The following DMTN variants were observed in gnomAD, a reference collection of about 807,000 sequenced individuals.
DMTN encodes the protein dematin.
Under a neutral mutation model 59.4 loss-of-function variants are expected in DMTN, and 27 were observed. That is an observed-to-expected ratio of 0.45 (90% CI 0.33 to 0.63). The LOEUF (loss-of-function observed/expected upper bound fraction) is 0.63, where lower values mean the gene tolerates loss of function less well. Among genes scored for constraint, DMTN ranks in the 20% least tolerant of loss-of-function variants. DMTN has a pLI of 0.02. For synonymous variants in DMTN, 221 were observed against 203.7 expected, an observed-to-expected ratio of 1.08 and a Z score of -0.72; for missense variants, 451 against 528.9, an observed-to-expected ratio of 0.85 and a Z score of 1.45.
intron 1 of DMTN, among the ~76,000 whole-genome samples, chr8:22,064,669 A>G (rs1173024939): frequency 6.6e-6 from 1 of 152,232 alleles, no homozygotes; most frequent in Non-Finnish European, 1.5e-5. Context: ...TGTGTTAGCC[A>G]GGATGGTCTC....
At chr8:22,049,361 G>GCGGCC (rs1349899323), upstream of DMTN, 1 of 150,930 alleles carries the variant, frequency 6.6e-6, no homozygotes, top group Non-Finnish European at 1.5e-5. Flanking sequence ...ATTAGAGGCA[G>GCGGCC]CGGCCCGGCC....
upstream of DMTN, among the ~76,000 whole-genome samples, chr8:22,049,494 G>C (rs979350979): frequency 6.6e-6 from 1 of 151,902 alleles, no homozygotes; most frequent in Non-Finnish European, 1.5e-5. Context: ...AGTGGAACTC[G>C]GGGGCCATAA....
At chr8:22,077,513 T>C (rs1469342002) in intron 10 of DMTN, among the ~76,000 whole-genome samples, 3 of 152,118 alleles carry the variant, frequency 2.0e-5, no homozygotes, top group Non-Finnish European at 2.9e-5. Flanking sequence ...CAGAGGTTTA[T>C]TAGAGAATGT....
At position 22,080,637 on chromosome 8, in the gene DMTN, C is replaced by G. The variant is rs771595167; in HGVS notation, c.957+12C>G. The G allele has an allele frequency of 1.4e-5, 23 of 1,603,318 alleles. No individual in the cohort carries two copies. Among genetic ancestry groups the G allele is most frequent in the Non-Finnish European group, 2.0e-5 (23 of 1,174,818 alleles). On this transcript the variant is annotated intron_variant, in intron 13 of 15. Coordinates refer to ENST00000358242, the MANE Select transcript of DMTN (RefSeq NM_001387751.1). ...CCGCAGGCCTGCAGGTGAGTGCCTC[C>G]TGGAGGGGAACAGGCAGAGCAGCAG...
At chr8:22,056,009 G>A (rs902637934), upstream of DMTN, among the ~76,000 whole-genome samples, 9 of 152,180 alleles carry the variant, frequency 5.9e-5, no homozygotes, top group African/African-American at 2.2e-4. Flanking sequence ...GGCGAGGGTC[G>A]AGGGCAAGGC....
rs967386857 is a variant in DMTN at position 22,057,090 on chromosome 8, G to A, written c.-218G>A. 43 of 152,338 alleles carry A rather than the reference G, an allele frequency of 2.8e-4. No homozygotes were observed. Among genetic ancestry groups the A allele is most frequent in the African/African-American group, 9.9e-4 (41 of 41,456 alleles). The allele number at this position is 152,338 out of a possible 1,614,324, so 9.4% of individuals were successfully genotyped here. A position where few individuals can be genotyped will look rare whatever the true frequency, so the allele number is the denominator to read the frequency against. On this transcript the variant is annotated 5_prime_UTR_variant, in exon 1 of 16. Coordinates refer to ENST00000358242, the MANE Select transcript of DMTN (RefSeq NM_001387751.1). ...CCCGTGGATCTGGCCTACGCCTCTC[G>A]GGCCTCTGTGGCCTCAGAGCGTCTG...
rs143269534 is a variant in DMTN, at chr8:22,073,630, CAAAAAAAAA to C, written c.730-86_730-78del. 4.6e-3 allele frequency: 2,801 copies of C among 603,026 alleles called. 2 individuals carry two copies. The highest frequency in any genetic ancestry group is 7.8e-3 in the South Asian group (404 of 51,664). 37.4% of individuals were successfully genotyped at this position (603,026 alleles called of 1,614,324 possible). A position where few individuals can be genotyped will look rare whatever the true frequency, so the allele number is the denominator to read the frequency against. On this transcript the variant is annotated intron_variant, in intron 9 of 15. Transcript: ENST00000358242. ...TGGGTGACAGAGTGAGACCCTGTCT[CAAAAAAAAA>C]AAAAAAAAAAAAAGAAAGAAAAAAA...
intron 6 of DMTN, 111 bp from the exon 7 acceptor site, chr8:22,069,770 A>C (rs772734374): frequency 1.1e-5 from 14 of 1,298,008 alleles, no homozygotes; most frequent in Non-Finnish European, 1.6e-5. Context: ...TTGGCTCTTG[A>C]CAGGGGCCAG....
upstream of DMTN, chr8:22,049,360 A>T (rs1801090187): frequency 6.9e-6 from 1 of 144,332 alleles, no homozygotes; most frequent in Non-Finnish European, 1.5e-5. Flanking sequence ...AATTAGAGGC[A>T]GCGGCCCGGC....
chr8:22,080,218 G>T lies in DMTN; in HGVS notation c.874G>T (p.Ala292Ser). Reference protein sequence around the residue: ...QGTSKSSSLPAYGRTTLSRLQ... With the variant: ...QGTSKSSSLPSYGRTTLSRLQ... ...AACGTCTAAATCTTCCTCTCTCCCC[G>T]CCTATGGCAGGACCACCCTGAGCCG... The change falls in exon 11 of 16, where the codon GCC becomes TCC. Residue 292 changes from alanine to serine, a missense_variant. Ala to Ser is a moderately conservative substitution (Grantham distance 99, BLOSUM62 1). Coordinates refer to ENST00000358242, the MANE Select transcript of DMTN (RefSeq NM_001387751.1). 6.2e-7 allele frequency: 1 copy of T among 1,614,194 alleles called. No homozygotes were observed.
chr8:22,055,303 G>C (rs1365606282), upstream of DMTN, among the ~76,000 whole-genome samples: 1 of 152,136 alleles, frequency 6.6e-6, no homozygotes, highest in Admixed American at 6.5e-5. Context: ...GGTGCGGCGG[G>C]GATCAGGAAT....
intron 1 of DMTN, among the ~76,000 whole-genome samples, chr8:22,063,595 A>G (rs924360019): frequency 2.6e-5 from 4 of 151,890 alleles, no homozygotes; most frequent in African/African-American, 9.7e-5. Context: ...GACCTCTCCA[A>G]TCCAGCCATA....
chr8:22,051,126 GC>G (rs1190166280), upstream of DMTN, among the ~76,000 whole-genome samples: 1 of 152,144 alleles, frequency 6.6e-6, no homozygotes, highest in East Asian at 1.9e-4. Flanking sequence ...GCCACAGGGG[GC>G]TAATTGCTAA....
rs1488254406 is a variant in DMTN, at chr8:22,079,290, ATATATATATATT to A, written c.836-889_836-878del. Among the ~76,000 whole-genome samples the A allele has an allele frequency of 3.3e-4, 23 of 70,010 alleles. 2 individuals are homozygous for A. Among genetic ancestry groups the A allele is most frequent in the Admixed American group, 1.5e-3 (7 of 4,700 alleles). The allele number at this position is 70,010 out of a possible 152,430, so 45.9% of individuals were successfully genotyped here. A position where few individuals can be genotyped will look rare whatever the true frequency, so the allele number is the denominator to read the frequency against. On this transcript the variant is annotated intron_variant, in intron 10 of 15. Transcript: ENST00000358242. ...AATAAATAAATAAATATATATATAT[ATATATATATATT>A]AGCTGGGTTTGATGGCGCATGCCCC...
chr8:22,062,165 A>AAC (rs1807029923), intron 1 of DMTN, among the ~76,000 whole-genome samples: 1 of 151,580 alleles, frequency 6.6e-6, no homozygotes, highest in Admixed American at 6.6e-5. Flanking sequence ...ATCATAGCTC[A>AAC]CTGCAGCCTT....
chr8:22,066,116 T>C (rs1379809290), intron 1 of DMTN, among the ~76,000 whole-genome samples: 2 of 152,162 alleles, frequency 1.3e-5, no homozygotes, highest in African/African-American at 4.8e-5. Flanking sequence ...AGTGCTGGGA[T>C]TGCTGGCGTG....
chr8:22,070,023 G>A (rs922766232), intron 7 of DMTN, 86 bp downstream of exon 7: 13 of 1,583,196 alleles, frequency 8.2e-6, no homozygotes, highest in Admixed American at 1.7e-5. Flanking sequence ...GCTGGAGGGG[G>A]TCGGGAGGAT....
At chr8:22,050,144 T>C (rs115459756), upstream of DMTN, among the ~76,000 whole-genome samples, 422 of 152,244 alleles carry the variant, frequency 2.8e-3, 1 homozygote, top group African/African-American at 9.9e-3. Flanking sequence ...CCGCGCCGTG[T>C]TGGGGGTAGT....
chr8:22,079,277 A>ATATATAT (rs1238511445), intron 10 of DMTN, among the ~76,000 whole-genome samples: 3 of 27,670 alleles, frequency 1.1e-4, no homozygotes, highest in African/African-American at 3.6e-4. Context: ...TAAATAAATA[A>ATATATAT]ATATATATAT....
Sources: gnomAD v4.1 joint callset for allele counts (sites outside exome capture counted in the v4.1 genomes callset) on GRCh38, gnomAD v4.1.1 for gene constraint, MANE v1.5 for transcripts, NCBI Gene and HGNC (gene_info 2026-07-23, HGNC 2026-07-21) for gene names.